Variants in ARHGAP28 observed in about 807,000 individuals in gnomAD.
ARHGAP28 encodes the protein rho GTPase-activating protein 28.
In ARHGAP28, 56 loss-of-function variants were observed where a neutral mutation model predicts 90.7. That is an observed-to-expected ratio of 0.62 (90% confidence interval 0.50 to 0.77). ARHGAP28 has a LOEUF of 0.77. Among genes scored for constraint, ARHGAP28 ranks in the 30% least tolerant of loss-of-function variants. The pLI is 0.00. For missense variants in ARHGAP28, 869 were observed against 900.9 expected, an observed-to-expected ratio of 0.96 and a Z score of 0.45; for synonymous variants, 308 against 323.3, an observed-to-expected ratio of 0.95 and a Z score of 0.51.
intron 1 of ARHGAP28, among the ~76,000 whole-genome samples, chr18:6,814,369 C>G (rs1179074122): frequency 6.6e-6 from 1 of 152,062 alleles, no homozygotes; most frequent in Non-Finnish European, 1.5e-5. Flanking sequence ...CGGATAATAC[C>G]CTTGACCTTG....
intron 1 of ARHGAP28, among the ~76,000 whole-genome samples, chr18:6,803,308 T>C (rs2056495790): frequency 6.6e-6 from 1 of 152,210 alleles, no homozygotes; most frequent in South Asian, 2.1e-4. Flanking sequence ...CTGGATTTTG[T>C]CAAGTACTTT....
chr18:6,805,994 C>T (rs1001878342), intron 1 of ARHGAP28, among the ~76,000 whole-genome samples: 1 of 152,226 alleles, frequency 6.6e-6, no homozygotes, highest in African/African-American at 2.4e-5. Flanking sequence ...AAGCAGTTCT[C>T]CTGCCTCAGC....
chr18:6,729,895 C>A lies in ARHGAP28; in HGVS notation c.74C>A (p.Ala25Asp). Reference protein sequence around the residue: ...HSYARAQPPNAESRCAPRAAA... With the variant: ...HSYARAQPPNDESRCAPRAAA... ...TACGCGCGCGCCCAGCCCCCCAACG[C>A]CGAGTCGCGCTGCGCGCCCCGCGCC... Residue 25 changes from alanine to aspartate, a missense_variant, in exon 1 of 18, where the codon GCC (alanine) becomes GAC (aspartate). Transcript: ENST00000383472. 1 of 1,425,278 alleles carries A rather than the reference C, an allele frequency of 7.0e-7. No individual in the cohort carries two copies. The allele number at this position is 1,425,278 out of a possible 1,614,324, so 88.3% of individuals were successfully genotyped here.
chr18:6,893,485 A>AT (rs2057281574), intron 14 of ARHGAP28, among the ~76,000 whole-genome samples: 1 of 152,194 alleles, frequency 6.6e-6, no homozygotes, highest in African/African-American at 2.4e-5. Flanking sequence ...CATTGCTTTT[A>AT]TGGAGGGGCA....
chr18:6,759,470 T>C lies in ARHGAP28; in HGVS notation c.122+29527T>C, dbSNP rs1367254498. Among the ~76,000 whole-genome samples, 8 of 152,354 alleles carry C rather than the reference T, an allele frequency of 5.3e-5. No homozygotes were observed. The East Asian group carries it at 1.5e-3, about 29-fold the overall frequency. ...GGTTCTTTAATTTGTTTTTAAGTGC[T>C]ACTAATTTTATTCAGAGTTATGCTG... is the stretch of plus-strand genomic sequence containing the variant. On this transcript the variant is annotated intron_variant, in intron 1 of 17. Transcript: ENST00000383472.
At chr18:6,839,406 C>T (rs78980865) in intron 3 of ARHGAP28, among the ~76,000 whole-genome samples, 1 of 151,838 alleles carries the variant, frequency 6.6e-6, no homozygotes, top group Non-Finnish European at 1.5e-5. Context: ...CCATTCTCCC[C>T]CCTCAGCCTC....
chr18:6,852,743 C>T (rs953161198), intron 4 of ARHGAP28, among the ~76,000 whole-genome samples: 4 of 152,138 alleles, frequency 2.6e-5, no homozygotes, highest in East Asian at 3.9e-4. Flanking sequence ...TCTTCATACC[C>T]GTTAGTGTCA....
At chr18:6,756,199 A>G (rs1361358088) in intron 1 of ARHGAP28, among the ~76,000 whole-genome samples, 1 of 152,180 alleles carries the variant, frequency 6.6e-6, no homozygotes, top group African/African-American at 2.4e-5. Flanking sequence ...TGCAATATAG[A>G]TCTATGGAAG....
intron 1 of ARHGAP28, among the ~76,000 whole-genome samples, chr18:6,760,715 G>A (rs1328781283): frequency 6.6e-6 from 1 of 152,150 alleles, no homozygotes; most frequent in African/African-American, 2.4e-5. Flanking sequence ...TATTGCAATA[G>A]AGCTTTCCCT....
chr18:6,824,299 G>A (rs1303418421), intron 1 of ARHGAP28, among the ~76,000 whole-genome samples: 1 of 152,144 alleles, frequency 6.6e-6, no homozygotes, highest in African/African-American at 2.4e-5. Flanking sequence ...AGCACTTTGG[G>A]AGGCTGAGGC....
chr18:6,763,577 G>T (rs1481574538), intron 1 of ARHGAP28, among the ~76,000 whole-genome samples: 2 of 152,226 alleles, frequency 1.3e-5, no homozygotes, highest in African/African-American at 2.4e-5. Flanking sequence ...CTACTTTACT[G>T]CAGACACTTG....
chr18:6,870,664 G>A lies in ARHGAP28; in HGVS notation c.886G>A (p.Val296Ile). 6.2e-7 allele frequency: 1 copy of A among 1,612,462 alleles called. No homozygotes were observed. The highest frequency in any genetic ancestry group is 2.2e-5 in the East Asian group (1 of 44,860). ...ATTTGAAGTGTCTTATTCAGAAATG[G>A]TTACGGAGGCTCTAAAAAGAAATAA... The part of the protein sequence containing the change: ...LSFEVSYSEM[V>I]TEALKRNKLK... The change falls in exon 7 of 18, where the codon GTT becomes ATT. Residue 296 changes from valine to isoleucine, a missense_variant. By Grantham distance (29) the Val-to-Ile change is conservative (BLOSUM62 3). Transcript: ENST00000383472.
chr18:6,889,683 C>T (rs1476656302), intron 12 of ARHGAP28, among the ~76,000 whole-genome samples: 1 of 152,148 alleles, frequency 6.6e-6, no homozygotes, highest in East Asian at 1.9e-4. Context: ...AAAATGGCTA[C>T]TTTCATGAAG....
chr18:6,755,998 C>A (rs1215448347), intron 1 of ARHGAP28, among the ~76,000 whole-genome samples: 1 of 152,116 alleles, frequency 6.6e-6, no homozygotes, highest in Non-Finnish European at 1.5e-5. Context: ...AGAAACAAAT[C>A]TATGGGGAAG....
In ARHGAP28 at chr18:6,912,613, C is replaced by T. The variant is rs1488752323; in HGVS notation, c.*459C>T. ...AGAAATAGCCTTCATTTCTACCCTG[C>T]AAAATAATCCAGATCTGCTTTCTAA... is the stretch of plus-strand genomic sequence containing the variant. On this transcript the variant is annotated 3_prime_UTR_variant, in exon 18 of 18. Coordinates refer to ENST00000383472, the MANE Select transcript of ARHGAP28 (RefSeq NM_001366230.1). The T allele has an allele frequency of 6.6e-6, 1 of 152,234 alleles. No homozygotes were observed. Among genetic ancestry groups the T allele is most frequent in the Non-Finnish European group, 1.5e-5 (1 of 68,086 alleles). 9.4% of individuals were successfully genotyped at this position (152,234 alleles called of 1,614,324 possible).
chr18:6,882,402 G>GC, intron 11 of ARHGAP28, 103 bp downstream of exon 11: 1 of 1,170,540 alleles, frequency 8.5e-7, no homozygotes, highest in South Asian at 1.7e-5. Context: ...TAGATTTGCT[G>GC]TGTCCTGACA....
chr18:6,906,946 A>G (rs2057367727), intron 16 of ARHGAP28, among the ~76,000 whole-genome samples: 2 of 152,224 alleles, frequency 1.3e-5, no homozygotes, highest in African/African-American at 2.4e-5. Flanking sequence ...AAAAAACCAA[A>G]CAATCCAATT....
At position 6,889,893 on chromosome 18, in the gene ARHGAP28, C is replaced by A; in HGVS notation, c.1542C>A (p.Leu514=). The change falls in exon 13 of 18, where the codon CTC becomes CTA. Residue 514 remains leucine (L), a synonymous_variant. Coordinates refer to ENST00000383472, the MANE Select transcript of ARHGAP28 (RefSeq NM_001366230.1). The part of the protein sequence containing the change: ...PDANRDAAQA[L]MTFFNKVIAN... The stretch of plus-strand genomic sequence containing the variant: ...ACAATGCTGTTTCTTCTTAGGCCCT[C>A]ATGACATTCTTCAATAAAGTGATTG... 6.2e-7 allele frequency: 1 copy of A among 1,613,900 alleles called. No individual in the cohort carries two copies. Among genetic ancestry groups the A allele is most frequent in the Non-Finnish European group, 8.5e-7 (1 of 1,179,968 alleles).
At chr18:6,897,838 G>A (rs761763359) in intron 16 of ARHGAP28, 6 of 152,148 alleles carry the variant, frequency 3.9e-5, no homozygotes, top group Non-Finnish European at 5.9e-5. Context: ...TTGTGGTGCT[G>A]GGATCTTGAC....
Sources: gnomAD v4.1 joint callset for allele counts (sites outside exome capture counted in the v4.1 genomes callset) on GRCh38, gnomAD v4.1.1 for gene constraint, MANE v1.5 for transcripts, NCBI Gene and HGNC (gene_info 2026-07-23, HGNC 2026-07-21) for gene names.